ABTB3: variants seen among roughly 807,000 people sequenced by gnomAD.
ABTB3 encodes ankyrin repeat and BTB domain containing 3, also known as ankyrin repeat- and BTB/POZ domain-containing protein 3.
chr12:107,594,295 A>G, the ABTB3 span, among the ~76,000 whole-genome samples: 1 of 152,198 alleles, frequency 6.6e-6, no homozygotes, highest in African/African-American at 2.4e-5. Flanking sequence ...ATTTTTAAAC[A>G]TATTCAGACA....
chr12:107,433,082 G>A, the ABTB3 span, among the ~76,000 whole-genome samples: 1 of 151,162 alleles, frequency 6.6e-6, no homozygotes, highest in Non-Finnish European at 1.5e-5. Context: ...TCAGGAGATC[G>A]AGACCATCCT....
chr12:107,541,058 A>G, the ABTB3 span, among the ~76,000 whole-genome samples: 268 of 152,268 alleles, frequency 1.8e-3, no homozygotes, highest in Non-Finnish European at 3.2e-3. Context: ...TCTATAATCA[A>G]TCAATCAATC....
chr12:107,563,343 A>G, the ABTB3 span, among the ~76,000 whole-genome samples: 1 of 152,250 alleles, frequency 6.6e-6, no homozygotes, highest in Non-Finnish European at 1.5e-5. Context: ...AAGGTGATTG[A>G]GAACCTACAA....
chr12:107,617,112 G>A, the ABTB3 span: 6 of 1,613,996 alleles, frequency 3.7e-6, no homozygotes, highest in Non-Finnish European at 5.1e-6. Context: ...CTGGGGCCAA[G>A]GTGGAAGGCT....
chr12:107,580,781 G>A, the ABTB3 span: 5 of 1,478,652 alleles, frequency 3.4e-6, no homozygotes, highest in Admixed American at 2.2e-5. Flanking sequence ...GTTTTCCGCC[G>A]CTCCAGACCC....
At chr12:107,336,284 A>C in the ABTB3 span, among the ~76,000 whole-genome samples, 1 of 152,252 alleles carries the variant, frequency 6.6e-6, no homozygotes, top group African/African-American at 2.4e-5. Context: ...ACGTGAGCAA[A>C]TGATGACTTT....
At chr12:107,523,805 A>G in the ABTB3 span, among the ~76,000 whole-genome samples, 16,492 of 152,180 alleles carry the variant, frequency 0.11, 958 homozygotes, top group African/African-American at 0.14. Context: ...TGGGACTTCA[A>G]TGTTTTCCAG....
the ABTB3 span, among the ~76,000 whole-genome samples, chr12:107,474,555 G>T: frequency 6.6e-6 from 1 of 152,140 alleles, no homozygotes; most frequent in Non-Finnish European, 1.5e-5. Context: ...GCTGTACCTG[G>T]GGCTGGACCA....
At chr12:107,367,374 C>T in the ABTB3 span, among the ~76,000 whole-genome samples, 1 of 152,122 alleles carries the variant, frequency 6.6e-6, no homozygotes. Context: ...ACACTTTTTC[C>T]TCTTTCCTTT....
the ABTB3 span, among the ~76,000 whole-genome samples, chr12:107,531,672 C>A: frequency 6.6e-6 from 1 of 152,102 alleles, no homozygotes; most frequent in African/African-American, 2.4e-5. Context: ...TAGGGAGATG[C>A]CTGGAGTCCA....
chr12:107,473,917 T>C, the ABTB3 span, among the ~76,000 whole-genome samples: 4 of 151,900 alleles, frequency 2.6e-5, no homozygotes, highest in East Asian at 7.8e-4. Flanking sequence ...TTCTCCTGCC[T>C]CACTACAGGT....
the ABTB3 span, among the ~76,000 whole-genome samples, chr12:107,478,034 C>T: frequency 6.6e-6 from 1 of 152,118 alleles, no homozygotes; most frequent in East Asian, 1.9e-4. Flanking sequence ...AACAACCTCC[C>T]TAGAAAAATC....
chr12:107,634,524 T>G, the ABTB3 span, among the ~76,000 whole-genome samples: 1 of 152,184 alleles, frequency 6.6e-6, no homozygotes. Flanking sequence ...TTTGAGCCCC[T>G]AGTTTCAACA....
the ABTB3 span, among the ~76,000 whole-genome samples, chr12:107,581,765 T>C: frequency 1.3e-5 from 2 of 152,156 alleles, no homozygotes; most frequent in African/African-American, 4.8e-5. Context: ...CTCTCCTCTG[T>C]CAAGGTGGGA....
chr12:107,547,986 T>C, the ABTB3 span, among the ~76,000 whole-genome samples: 1 of 152,202 alleles, frequency 6.6e-6, no homozygotes, highest in Admixed American at 6.5e-5. Context: ...TCTAGAGGGA[T>C]CGTTATTTCT....
chr12:107,496,479 G>A, the ABTB3 span, among the ~76,000 whole-genome samples: 1 of 152,140 alleles, frequency 6.6e-6, no homozygotes, highest in African/African-American at 2.4e-5. Context: ...TTAGAATCAG[G>A]GATTTTGGTG....
chr12:107,547,340 C>T, the ABTB3 span, among the ~76,000 whole-genome samples: 3 of 152,160 alleles, frequency 2.0e-5, no homozygotes, highest in East Asian at 1.9e-4. Flanking sequence ...ATGGAAGTCT[C>T]GCCATGTGAC....
At chr12:107,442,379 A>G in the ABTB3 span, among the ~76,000 whole-genome samples, 2 of 152,156 alleles carry the variant, frequency 1.3e-5, no homozygotes, top group Non-Finnish European at 2.9e-5. Flanking sequence ...AGTAGAGAAG[A>G]TTGTAGATTT....
the ABTB3 span, among the ~76,000 whole-genome samples, chr12:107,403,524 A>C: frequency 6.6e-6 from 1 of 152,158 alleles, no homozygotes; most frequent in East Asian, 1.9e-4. Flanking sequence ...ATACCTAGTG[A>C]TACTTCCTAG....
Sources: allele counts gnomAD v4.1 joint callset (sites outside exome capture counted in the v4.1 genomes callset), GRCh38; gene constraint gnomAD v4.1.1; transcripts MANE v1.5; gene names NCBI Gene and HGNC (gene_info 2026-07-23, HGNC 2026-07-21).